Variants in TRAPPC9 observed in about 807,000 individuals in gnomAD.
TRAPPC9 encodes trafficking protein particle complex subunit 9, also known as IKK2 binding protein.
A neutral mutation model predicts 124.0 loss-of-function variants in TRAPPC9; 83 were observed. The ratio of observed to expected loss-of-function variants is 0.67; its 90% CI spans 0.56 to 0.80. The LOEUF is 0.80. TRAPPC9 is among the 30% of genes least tolerant of loss of function. TRAPPC9 has a pLI of 0.00. For missense variants in TRAPPC9, 1,302 were observed against 1,508.3 expected (o/e 0.86, Z 2.27); for synonymous variants, 638 against 617.5 (o/e 1.03, Z -0.49).
rs1375346393 is a variant in TRAPPC9 at position 140,072,199 on chromosome 8, C to T, written c.2557-48120G>A. ...ATTGTACACCAACGAGAGTGAACTT[C>T]AGTGCATGTAAATTATATTTCAATA... On this transcript the variant is annotated intron_variant, in intron 17 of 22. Transcript: ENST00000438773. Among the ~76,000 whole-genome samples the T allele has an allele frequency of 4.6e-5, 7 of 152,254 alleles. No homozygotes were observed. The South Asian group carries it at 1.2e-3, about 27-fold the overall frequency.
chr8:140,071,239 GA>G (rs1359736184), intron 17 of TRAPPC9, among the ~76,000 whole-genome samples: 1 of 152,188 alleles, frequency 6.6e-6, no homozygotes, highest in Non-Finnish European at 1.5e-5. Flanking sequence ...GGTTGTGCCT[GA>G]TGGACTGAGC....
intron 9 of TRAPPC9, among the ~76,000 whole-genome samples, chr8:140,328,290 A>G (rs2066793820): frequency 6.6e-6 from 1 of 152,152 alleles, no homozygotes; most frequent in Non-Finnish European, 1.5e-5. Flanking sequence ...ATTAATAACA[A>G]TAATTTAAAA....
At position 140,257,173 on chromosome 8, in the gene TRAPPC9, A is replaced by G. The variant is rs2064285521; in HGVS notation, c.2279-4244T>C. 6.6e-6 allele frequency among the ~76,000 whole-genome samples: 1 copy of G among 152,202 alleles called. No individual in the cohort carries two copies. The highest frequency in any genetic ancestry group is 1.5e-5 in the Non-Finnish European group (1 of 68,034). On this transcript the variant is annotated intron_variant, in intron 15 of 22. Transcript: ENST00000438773. The surrounding 1 kb of genome is among the most constrained non-coding windows in gnomAD (Gnocchi z 4.6). ...ATCTCCATATGCCAGCATTATCCAC[A>G]TCATATGAATGAGCAAACTAGAGTT...
intron 17 of TRAPPC9, among the ~76,000 whole-genome samples, chr8:140,108,507 C>T (rs760354659): frequency 7.7e-4 from 118 of 152,356 alleles, no homozygotes; most frequent in Non-Finnish European, 1.3e-3. Flanking sequence ...TAGCACAAAG[C>T]TCCCGCTCGC....
At chr8:139,985,112 AG>A (rs1837165314) in intron 19 of TRAPPC9, among the ~76,000 whole-genome samples, 1 of 152,222 alleles carries the variant, frequency 6.6e-6, no homozygotes, top group African/African-American at 2.4e-5. Context: ...AGAATATTCG[AG>A]TTAGAAGCAT....
chr8:140,031,022 T>C (rs1229277827), intron 17 of TRAPPC9, among the ~76,000 whole-genome samples: 3 of 152,206 alleles, frequency 2.0e-5, no homozygotes, highest in African/African-American at 7.2e-5. Flanking sequence ...CTCAGTAAAG[T>C]TGATTTTTGA....
rs1013230152 is a variant in TRAPPC9, at chr8:140,104,878, G to A, written c.2557-80799C>T. Among the ~76,000 whole-genome samples the A allele has an allele frequency of 6.6e-6, 1 of 152,176 alleles. No individual in the cohort carries two copies. Among genetic ancestry groups the A allele is most frequent in the East Asian group, 1.9e-4 (1 of 5,198 alleles). On this transcript the variant is annotated intron_variant, in intron 17 of 22. Coordinates refer to ENST00000438773, the MANE Select transcript of TRAPPC9 (RefSeq NM_001160372.4). This position sits in a 1 kb window ranked among gnomAD's most constrained non-coding sequence, Gnocchi z 4.0. ...CCCTTTTAGAAACAGTGTTAATGGC[G>A]ACATTTAACGACATGGAGCTCCCTG...
At chr8:139,934,821 G>A (rs549961151) in intron 19 of TRAPPC9, among the ~76,000 whole-genome samples, 20 of 152,302 alleles carry the variant, frequency 1.3e-4, no homozygotes, top group Admixed American at 1.2e-3. Flanking sequence ...GCTGGCCAAA[G>A]GACGAAGTGA....
At position 140,152,232 on chromosome 8, in the gene TRAPPC9, C is replaced by CT. The variant is rs1315478741; in HGVS notation, c.2556+69226dup. On this transcript the variant is annotated intron_variant, in intron 17 of 22. Coordinates refer to ENST00000438773, the MANE Select transcript of TRAPPC9 (RefSeq NM_001160372.4). ...GAAGCCATTCTCCCAGGAACTTAAG[C>CT]TTTAAAAAAAAAAAAAAAAAAAAAA... Among the ~76,000 whole-genome samples, 4 of 92,452 alleles carry CT rather than the reference C, an allele frequency of 4.3e-5. No homozygotes were observed. The South Asian group carries it at 9.4e-4, about 22-fold the overall frequency. The allele number at this position is 92,452 out of a possible 152,430, so 60.7% of individuals were successfully genotyped here.
intron 9 of TRAPPC9, among the ~76,000 whole-genome samples, chr8:140,347,540 A>G (rs900775524): frequency 1.3e-5 from 2 of 152,076 alleles, no homozygotes; most frequent in African/African-American, 2.4e-5. Context: ...GAATCCCGGG[A>G]AGTCATCCTG....
intron 7 of TRAPPC9, among the ~76,000 whole-genome samples, chr8:140,391,549 C>G (rs1421843729): frequency 6.6e-6 from 1 of 151,090 alleles, no homozygotes; most frequent in Non-Finnish European, 1.5e-5. Flanking sequence ...CCTGTCCCCA[C>G]TAAAAATACA....
chr8:140,007,955 T>C (rs1277115023), intron 18 of TRAPPC9, among the ~76,000 whole-genome samples: 2 of 152,210 alleles, frequency 1.3e-5, no homozygotes, highest in Admixed American at 6.5e-5. Flanking sequence ...ACAGTGCAGT[T>C]GCTTGGATAA....
chr8:139,968,417 A>T (rs1283342798), intron 19 of TRAPPC9, among the ~76,000 whole-genome samples: 1 of 152,082 alleles, frequency 6.6e-6, no homozygotes, highest in Admixed American at 6.5e-5. Context: ...GATCTCAGAG[A>T]GCTCCAAGAC....
intron 21 of TRAPPC9, among the ~76,000 whole-genome samples, chr8:139,841,693 C>A (rs898211130): frequency 6.6e-6 from 1 of 152,224 alleles, no homozygotes; most frequent in Non-Finnish European, 1.5e-5. Context: ...ATTCGCAGAA[C>A]CCACAGTGCT....
intron 21 of TRAPPC9, among the ~76,000 whole-genome samples, chr8:139,769,838 AG>A (rs1006042049): frequency 2.0e-5 from 3 of 152,280 alleles, no homozygotes; most frequent in African/African-American, 7.2e-5. Context: ...ATGCTTAAAA[AG>A]AAGAAGAAAT....
At chr8:140,030,105 A>C (rs1358111610) in intron 17 of TRAPPC9, among the ~76,000 whole-genome samples, 1 of 151,956 alleles carries the variant, frequency 6.6e-6, no homozygotes, top group Non-Finnish European at 1.5e-5. Flanking sequence ...TTTTTTAAAA[A>C]CTCTCAGCAA....
intron 9 of TRAPPC9, among the ~76,000 whole-genome samples, chr8:140,320,400 C>G (rs1267828856): frequency 6.6e-6 from 1 of 152,204 alleles, no homozygotes; most frequent in East Asian, 1.9e-4. Context: ...TGAAATTCCT[C>G]ACTAACACCA....
chr8:140,385,480 G>C (rs1423434611), intron 7 of TRAPPC9, among the ~76,000 whole-genome samples: 1 of 151,994 alleles, frequency 6.6e-6, no homozygotes, highest in African/African-American at 2.4e-5. Context: ...AATGACAAAG[G>C]GGATATCACC....
chr8:140,337,396 A>G (rs2132036815), intron 9 of TRAPPC9, among the ~76,000 whole-genome samples: 1 of 152,304 alleles, frequency 6.6e-6, no homozygotes, highest in East Asian at 1.9e-4. Context: ...GCATTTGAGG[A>G]AAGATAAAAC....
Sources: gnomAD v4.1 joint callset for allele counts (sites outside exome capture counted in the v4.1 genomes callset) on GRCh38, gnomAD v4.1.1 for gene constraint, Gnocchi (gnomAD v3.1) non-coding constraint, MANE v1.5 for transcripts, NCBI Gene and HGNC (gene_info 2026-07-23, HGNC 2026-07-21) for gene names.